PREP: variants seen among roughly 807,000 people sequenced by gnomAD.
The protein encoded by PREP is prolyl endopeptidase, also known as dJ355L5.1 (prolyl endopeptidase).
In PREP, 29 loss-of-function variants were observed where a neutral mutation model predicts 87.6. The ratio of observed to expected loss-of-function variants is 0.33; its 90% confidence interval spans 0.25 to 0.45. PREP has a LOEUF of 0.45. Among genes scored for constraint, PREP ranks in the 20% least tolerant of loss-of-function variants. PREP has a pLI of 1.00. For missense variants in PREP, 695 were observed against 886.5 expected, an observed-to-expected ratio of 0.78 and a Z score of 2.74; for synonymous variants, 337 against 328.6, an observed-to-expected ratio of 1.03 and a Z score of -0.28.
intron 7 of PREP, among the ~76,000 whole-genome samples, chr6:105,344,642 G>C (rs1583070051): frequency 6.6e-6 from 1 of 151,464 alleles, no homozygotes; most frequent in African/African-American, 2.4e-5. Flanking sequence ...AGAACACTTG[G>C]ACACAGGATG....
At chr6:105,354,290 G>A (rs889387209) in intron 6 of PREP, among the ~76,000 whole-genome samples, 9 of 152,226 alleles carry the variant, frequency 5.9e-5, no homozygotes, top group African/African-American at 2.2e-4. Flanking sequence ...GCTTCCCAGT[G>A]TATATAACTA....
chr6:105,322,771 C>A (rs147934826), intron 10 of PREP: 3 of 1,049,278 alleles, frequency 2.9e-6, no homozygotes, highest in Non-Finnish European at 3.5e-6. Flanking sequence ...CAGCCCACCA[C>A]CTGTTTTAGT....
At chr6:105,300,277 AC>A (rs1326984486) in intron 10 of PREP, among the ~76,000 whole-genome samples, 1 of 152,202 alleles carries the variant, frequency 6.6e-6, no homozygotes, top group African/African-American at 2.4e-5. Flanking sequence ...GGCTGCTGTT[AC>A]TATTTTAGCA....
At chr6:105,330,288 TAAGAGCA>T (rs1245954125) in intron 8 of PREP, among the ~76,000 whole-genome samples, 1 of 151,460 alleles carries the variant, frequency 6.6e-6, no homozygotes, top group Non-Finnish European at 1.5e-5. Context: ...GGGAGAAGAG[TAAGAGCA>T]CTATTGCAAC....
chr6:105,375,095 T>C (rs907875335), intron 4 of PREP, among the ~76,000 whole-genome samples: 1 of 152,096 alleles, frequency 6.6e-6, no homozygotes, highest in Non-Finnish European at 1.5e-5. Context: ...GAGCTGGTGA[T>C]GTCTTATTTT....
rs147922648 is a variant in PREP at position 105,281,763 on chromosome 6, G to C, written c.1821C>G (p.His607Gln). The C allele has an allele frequency of 6.2e-7, 1 of 1,613,292 alleles. No homozygotes were observed. The highest frequency in any genetic ancestry group is 1.1e-5 in the South Asian group (1 of 90,828). Residue 607 changes from histidine to glutamine, a missense_variant, in exon 14 of 15, where the codon CAC becomes CAG. His to Gln is a conservative substitution (Grantham distance 24, BLOSUM62 0). Around this residue, in one of 5 missense-constraint regions of PREP, gnomAD observed 121 missense variants for 154.8 expected, o/e 0.78. Transcript: ENST00000652536. ...TDYGCSDSKQ[H>Q]FEWLVKYSPL... is the part of the protein sequence containing the mutation. ...AACCTTACTTGACAAGCCATTCAAAGTGTTGTTTGCTGTCCGAGCACCCAT... is the reference window on the plus strand; with the variant it reads ...AACCTTACTTGACAAGCCATTCAAACTGTTGTTTGCTGTCCGAGCACCCAT...
At chr6:105,370,456 C>A (rs1772506506) in intron 5 of PREP, among the ~76,000 whole-genome samples, 1 of 152,122 alleles carries the variant, frequency 6.6e-6, no homozygotes. Flanking sequence ...TGTAGCCACT[C>A]TGGAAGTTTT....
At chr6:105,286,211 CACAGGAGGACCTGATAATGG>C (rs1338889724) in intron 11 of PREP, among the ~76,000 whole-genome samples, 1 of 152,316 alleles carries the variant, frequency 6.6e-6, no homozygotes, top group East Asian at 1.9e-4. Context: ...GTGCTGGGCT[CACAGGAGGACCTGATAATGG>C]TTCCTTTTAT....
At chr6:105,366,432 T>C (rs1772385450) in intron 6 of PREP, among the ~76,000 whole-genome samples, 1 of 152,208 alleles carries the variant, frequency 6.6e-6, no homozygotes, top group African/African-American at 2.4e-5. Flanking sequence ...TAGTAGGTAT[T>C]TTATTTTCTT....
intron 6 of PREP, among the ~76,000 whole-genome samples, chr6:105,361,212 T>C (rs1772240275): frequency 6.6e-6 from 1 of 152,178 alleles, no homozygotes; most frequent in South Asian, 2.1e-4. Context: ...GAAAAGCATT[T>C]CATGTTTTAA....
chr6:105,328,743 C>CAT, intron 9 of PREP, 86 bp downstream of exon 9: 1 of 1,404,212 alleles, frequency 7.1e-7, no homozygotes. Flanking sequence ...TTTTCAATAA[C>CAT]ATAGCATTAT....
intron 11 of PREP, among the ~76,000 whole-genome samples, chr6:105,288,188 C>T (rs555359250): frequency 3.9e-5 from 6 of 152,282 alleles, no homozygotes; most frequent in East Asian, 1.9e-4. Flanking sequence ...TCTGTAGTCA[C>T]GCAGCCATAG....
intron 14 of PREP, among the ~76,000 whole-genome samples, chr6:105,280,327 A>T (rs1338989199): frequency 6.6e-6 from 1 of 152,232 alleles, no homozygotes; most frequent in Non-Finnish European, 1.5e-5. Flanking sequence ...TAGAAACTAA[A>T]GTTATTTTCA....
intron 6 of PREP, among the ~76,000 whole-genome samples, chr6:105,358,567 G>C (rs1216920061): frequency 6.6e-6 from 1 of 152,006 alleles, no homozygotes; most frequent in African/African-American, 2.4e-5. Flanking sequence ...TCTATAAGCA[G>C]ACAAAACCTG....
At chr6:105,288,648 C>T (rs183600210) in intron 11 of PREP, 110 bp downstream of exon 11, 315 of 1,390,658 alleles carry the variant, frequency 2.3e-4, no homozygotes, top group Non-Finnish European at 2.7e-4. Flanking sequence ...TGAACCCCCA[C>T]GCCTGGCCAG....
intron 11 of PREP, 117 bp downstream of exon 11, chr6:105,288,641 A>G: frequency 7.6e-7 from 1 of 1,318,034 alleles, no homozygotes; most frequent in Non-Finnish European, 1.0e-6. Context: ...ATAGGTGTGA[A>G]CCCCCACGCC....
intron 10 of PREP, among the ~76,000 whole-genome samples, chr6:105,293,163 A>C (rs1365102222): frequency 6.6e-6 from 1 of 152,210 alleles, no homozygotes; most frequent in Non-Finnish European, 1.5e-5. Context: ...GACAGACCAA[A>C]AGCTAGCCAG....
intron 8 of PREP, among the ~76,000 whole-genome samples, chr6:105,330,678 G>A (rs143341254): frequency 1.3e-5 from 2 of 152,150 alleles, no homozygotes; most frequent in Non-Finnish European, 2.9e-5. Flanking sequence ...ATGTGGAAGG[G>A]GGGGGTTCTT....
intron 2 of PREP, among the ~76,000 whole-genome samples, chr6:105,395,531 G>A (rs1337486669): frequency 6.6e-6 from 1 of 152,108 alleles, no homozygotes; most frequent in African/African-American, 2.4e-5. Context: ...AAAGTGCCTG[G>A]CACATGGTAA....
Sources: allele counts gnomAD v4.1 joint callset (sites outside exome capture counted in the v4.1 genomes callset), GRCh38; gene constraint gnomAD v4.1.1; regional missense constraint gnomAD v4.1.1; transcripts MANE v1.5; gene names NCBI Gene and HGNC (gene_info 2026-07-23, HGNC 2026-07-21).